NTM: variants seen among roughly 807,000 people sequenced by gnomAD.
NTM encodes the protein IgLON family member 2.
Under a neutral mutation model 42.1 loss-of-function variants are expected in NTM, and 13 were observed. The ratio of observed to expected loss-of-function variants is 0.31; its 90% CI spans 0.20 to 0.49. The LOEUF is 0.49. Ranked by LOEUF, NTM falls within the 20% of genes least tolerant of loss-of-function variation. NTM has a pLI of 0.99. For synonymous variants in NTM, 187 were observed against 179.2 expected (o/e 1.04, Z -0.35); for missense variants, 373 against 452.8 (o/e 0.82, Z 1.60).
At chr11:132,152,935 C>A (rs537600095) in intron 3 of NTM, among the ~76,000 whole-genome samples, 60 of 152,164 alleles carry the variant, frequency 3.9e-4, no homozygotes, top group Non-Finnish European at 7.6e-4. Context: ...AACTTGGCGT[C>A]TTTTGCAGAA....
chr11:131,915,261 T>C (rs1402915098), intron 2 of NTM, among the ~76,000 whole-genome samples: 1 of 152,202 alleles, frequency 6.6e-6, no homozygotes, highest in African/African-American at 2.4e-5. Flanking sequence ...CCCAGGACTA[T>C]TCAGGACCCT....
chr11:132,223,024 CATTG>C (rs1173078943), intron 4 of NTM, among the ~76,000 whole-genome samples: 1 of 152,304 alleles, frequency 6.6e-6, no homozygotes, highest in East Asian at 1.9e-4. Context: ...CTTTCTCCCT[CATTG>C]ATTTATTTAT....
Position 131,860,248 on chromosome 11 carries a change from T to TC in NTM, c.83-51314dup, listed in dbSNP as rs367878885. Among the ~76,000 whole-genome samples the TC allele has an allele frequency of 1.9e-3, 289 of 152,316 alleles. 2 individuals carry two copies. Among genetic ancestry groups the TC allele is most frequent in the Middle Eastern group, 6.8e-3 (2 of 294 alleles). The stretch of plus-strand genomic sequence containing the variant: ...GTGTTTGGAGGGTCTCTGGAAGGGC[T>TC]CCTGAGACTCAGCACACAGTGCTGC... On this transcript the variant is annotated intron_variant, in intron 1 of 8. Coordinates refer to ENST00000683400, the MANE Select transcript of NTM (RefSeq NM_001352005.2).
chr11:131,380,670 A>G (rs972233082), intron 1 of NTM, among the ~76,000 whole-genome samples: 1 of 152,156 alleles, frequency 6.6e-6, no homozygotes, highest in Non-Finnish European at 1.5e-5. Flanking sequence ...TTATCTTTAT[A>G]TACCTAGTAC....
intron 2 of NTM, among the ~76,000 whole-genome samples, chr11:132,032,094 A>G (rs1174786551): frequency 6.6e-6 from 1 of 152,146 alleles, no homozygotes; most frequent in Non-Finnish European, 1.5e-5. Context: ...ACACATCCCA[A>G]GTGGACTCTA....
intron 8 of NTM, among the ~76,000 whole-genome samples, chr11:132,331,346 C>T (rs754190637): frequency 3.9e-5 from 6 of 152,114 alleles, no homozygotes; most frequent in Non-Finnish European, 8.8e-5. Context: ...CATGGCTTTG[C>T]TTCTATGTAG....
At chr11:131,411,485 C>T (rs991834389) in intron 1 of NTM, among the ~76,000 whole-genome samples, 2 of 151,152 alleles carry the variant, frequency 1.3e-5, no homozygotes, top group African/African-American at 4.9e-5. Context: ...TTTATTTCAC[C>T]AGACAAGACT....
intron 4 of NTM, among the ~76,000 whole-genome samples, chr11:132,246,371 C>T (rs2091164343): frequency 1.3e-5 from 2 of 152,354 alleles, no homozygotes; most frequent in South Asian, 2.1e-4. Context: ...AAGCTCCCAA[C>T]AGCCCAGTGA....
At chr11:131,822,575 A>C (rs914315270) in intron 1 of NTM, among the ~76,000 whole-genome samples, 17 of 152,216 alleles carry the variant, frequency 1.1e-4, no homozygotes, top group Admixed American at 1.0e-3. Context: ...CCCTCATAAC[A>C]GCTGCTTTCA....
At chr11:131,875,258 A>G (rs2048369051) in intron 1 of NTM, among the ~76,000 whole-genome samples, 1 of 151,836 alleles carries the variant, frequency 6.6e-6, no homozygotes, top group East Asian at 1.9e-4. Flanking sequence ...CATTTTACGT[A>G]GAGAAAGTTT....
chr11:132,135,277 C>T (rs2067675844), intron 2 of NTM, among the ~76,000 whole-genome samples: 1 of 152,236 alleles, frequency 6.6e-6, no homozygotes, highest in Non-Finnish European at 1.5e-5. Context: ...GCTCCCAGTG[C>T]CTGACTACAG....
At chr11:131,758,507 A>G (rs1315083496) in intron 1 of NTM, among the ~76,000 whole-genome samples, 3 of 152,154 alleles carry the variant, frequency 2.0e-5, no homozygotes, top group East Asian at 1.9e-4. Flanking sequence ...CCAGTTTGGT[A>G]TACTTACAGT....
At chr11:131,878,642 A>ATAG (rs2048974341) in intron 1 of NTM, among the ~76,000 whole-genome samples, 5 of 115,980 alleles carry the variant, frequency 4.3e-5, no homozygotes, top group Non-Finnish European at 6.8e-5. Flanking sequence ...TATATATATA[A>ATAG]TGTCTTATGT....
chr11:131,850,603 CA>C (rs1463461555), intron 1 of NTM, among the ~76,000 whole-genome samples: 2 of 151,854 alleles, frequency 1.3e-5, no homozygotes, highest in African/African-American at 4.8e-5. Flanking sequence ...AACTGAGAAA[CA>C]AAAAAGGGAT....
intron 2 of NTM, among the ~76,000 whole-genome samples, chr11:132,055,666 AGAGT>A (rs1054855433): frequency 5.7e-5 from 6 of 105,230 alleles, no homozygotes; most frequent in Non-Finnish European, 1.1e-4. Context: ...AGAGAGAGCG[AGAGT>A]GAGAGAGAGA....
intron 4 of NTM, among the ~76,000 whole-genome samples, chr11:132,233,478 T>C (rs1222664526): frequency 6.6e-6 from 1 of 152,208 alleles, no homozygotes; most frequent in Admixed American, 6.5e-5. Flanking sequence ...GGCAGGTAGG[T>C]TTACGAATAG....
intron 2 of NTM, among the ~76,000 whole-genome samples, chr11:132,015,405 A>AT (rs963047978): frequency 1.3e-4 from 20 of 150,716 alleles, no homozygotes; most frequent in East Asian, 7.8e-4. Context: ...AAATTTTAGG[A>AT]TTTTTTTTTC....
At chr11:132,263,814 A>G (rs1304041689) in intron 4 of NTM, among the ~76,000 whole-genome samples, 1 of 152,204 alleles carries the variant, frequency 6.6e-6, no homozygotes, top group Non-Finnish European at 1.5e-5. Flanking sequence ...TACAACAAGG[A>G]TTACCTTTCC....
intron 1 of NTM, among the ~76,000 whole-genome samples, chr11:131,864,400 C>T (rs567086274): frequency 3.3e-5 from 5 of 152,252 alleles, no homozygotes; most frequent in East Asian, 1.9e-4. Flanking sequence ...GAACTCCTCC[C>T]GCTGGACTGA....
Sources: allele counts gnomAD v4.1 joint callset (sites outside exome capture counted in the v4.1 genomes callset), GRCh38; gene constraint gnomAD v4.1.1; transcripts MANE v1.5; gene names NCBI Gene and HGNC (gene_info 2026-07-23, HGNC 2026-07-21).